Variants in FBXO34 observed in about 807,000 individuals in gnomAD.
The protein encoded by FBXO34 is F-box only protein 34.
Under a neutral mutation model 24.5 loss-of-function variants are expected in FBXO34, and 12 were observed. The observed-to-expected ratio is 0.49, with a 90% CI of 0.31 to 0.79. FBXO34 has a LOEUF of 0.79. Among genes scored for constraint, FBXO34 ranks in the 30% least tolerant of loss-of-function variants. The pLI is 0.04. For synonymous variants in FBXO34, 320 were observed against 311.9 expected (o/e 1.03, Z -0.27); for missense variants, 823 against 857.7 (o/e 0.96, Z 0.51).
chr14:55,396,481 T>C, the FBXO34 span, among the ~76,000 whole-genome samples: 1 of 152,230 alleles, frequency 6.6e-6, no homozygotes, highest in Non-Finnish European at 1.5e-5. Context: ...AGATTTAAAT[T>C]GCTCATGAAT....
intron 1 of FBXO34, among the ~76,000 whole-genome samples, chr14:55,308,818 G>A (rs574927622): frequency 1.3e-4 from 20 of 152,286 alleles, no homozygotes; most frequent in Non-Finnish European, 2.9e-4. Context: ...AAAAGCTTCA[G>A]AGGTCTGTGA....
intron 1 of FBXO34, chr14:55,318,401 T>G (rs1883011001): frequency 1.1e-5 from 1 of 88,930 alleles, no homozygotes. Flanking sequence ...TATATATATA[T>G]ATATATATAT....
the FBXO34 span, among the ~76,000 whole-genome samples, chr14:55,420,063 GT>G: frequency 6.6e-6 from 1 of 151,878 alleles, no homozygotes; most frequent in Non-Finnish European, 1.5e-5. Context: ...GGCCCTTAAG[GT>G]TTTTTTTGTT....
chr14:55,356,624 T>TA (rs1200118013), downstream of FBXO34, among the ~76,000 whole-genome samples: 1 of 149,986 alleles, frequency 6.7e-6, no homozygotes, highest in Non-Finnish European at 1.5e-5. Context: ...GCTGATTTTT[T>TA]TATTTTTTTA....
intron 1 of FBXO34, among the ~76,000 whole-genome samples, chr14:55,332,047 AAT>A (rs1298620186): frequency 7.4e-6 from 1 of 134,874 alleles, no homozygotes; most frequent in Non-Finnish European, 1.6e-5. Context: ...TATATATAAA[AAT>A]ATATATATAT....
At chr14:55,442,678 C>T in the FBXO34 span, among the ~76,000 whole-genome samples, 8 of 151,928 alleles carry the variant, frequency 5.3e-5, no homozygotes, top group African/African-American at 1.2e-4. Flanking sequence ...TAATTGCTTA[C>T]GATGGTATTT....
intron 1 of FBXO34, among the ~76,000 whole-genome samples, chr14:55,327,727 C>T (rs1018979960): frequency 2.6e-5 from 4 of 151,790 alleles, no homozygotes; most frequent in Non-Finnish European, 5.9e-5. Flanking sequence ...AGACAGTAGC[C>T]CCTCTTATCC....
At chr14:55,430,209 G>C in the FBXO34 span, among the ~76,000 whole-genome samples, 1 of 151,984 alleles carries the variant, frequency 6.6e-6, no homozygotes, top group Non-Finnish European at 1.5e-5. Context: ...CCCCCTCATG[G>C]GTTTGGCCCT....
At chr14:55,392,613 C>T in the FBXO34 span, among the ~76,000 whole-genome samples, 1 of 144,408 alleles carries the variant, frequency 6.9e-6, no homozygotes, top group Non-Finnish European at 1.5e-5. Flanking sequence ...TGTGCCACGG[C>T]ACTCCAGCCT....
chr14:55,425,496 A>G, the FBXO34 span, among the ~76,000 whole-genome samples: 3 of 152,264 alleles, frequency 2.0e-5, no homozygotes, highest in Non-Finnish European at 4.4e-5. Context: ...TAAGATTACC[A>G]GTATAATGTG....
chr14:55,428,566 G>A, the FBXO34 span, among the ~76,000 whole-genome samples: 3 of 152,122 alleles, frequency 2.0e-5, no homozygotes, highest in Non-Finnish European at 2.9e-5. Context: ...CCAGAGATGT[G>A]TGCTTTAATA....
intron 1 of FBXO34, among the ~76,000 whole-genome samples, chr14:55,348,492 C>T (rs1476557490): frequency 1.3e-5 from 2 of 152,152 alleles, no homozygotes; most frequent in African/African-American, 2.4e-5. Context: ...TATTCATCCT[C>T]GTTTGCTCCA....
At chr14:55,305,432 T>C (rs1594740585) in intron 1 of FBXO34, among the ~76,000 whole-genome samples, 16 of 141,522 alleles carry the variant, frequency 1.1e-4, no homozygotes, top group Admixed American at 1.1e-3. Context: ...AAAAAAAAAG[T>C]CTTAGTCCGG....
chr14:55,331,856 C>A lies in FBXO34; in HGVS notation c.-10-18525C>A. On this transcript the variant is annotated intron_variant, in intron 1 of 1. Transcript: ENST00000313833. The stretch of plus-strand genomic sequence containing the variant: ...ATATAAAAATATATATATACACCAC[C>A]GGGGTGTATATATAAAAATATATAT... Among the ~76,000 whole-genome samples, 2 of 35,974 alleles carry A rather than the reference C, an allele frequency of 5.6e-5. 1 individual carries two copies. Among genetic ancestry groups the A allele is most frequent in the Non-Finnish European group, 9.5e-5 (2 of 21,142 alleles). 23.6% of individuals were successfully genotyped at this position (35,974 alleles called of 152,430 possible).
At chr14:55,354,823 A>T (rs555002572), downstream of FBXO34, among the ~76,000 whole-genome samples, 16 of 152,226 alleles carry the variant, frequency 1.1e-4, no homozygotes, top group South Asian at 1.5e-3. Flanking sequence ...AAGCTGGTGA[A>T]AACAGCAGGC....
chr14:55,361,084 CCA>C lies in FBXO34; in HGVS notation c.*589-648_*589-647del, dbSNP rs564536473. ...TGGCATCCAGAATGGCGAATCCATC[CCA>C]GTTTTCAGTTGACTTTGCCCAGATC... is the stretch of plus-strand genomic sequence containing the variant. On this transcript the variant is annotated intron_variant and NMD_transcript_variant, in intron 3 of 3. Transcript: ENST00000555280. Among the ~76,000 whole-genome samples, 186 of 152,250 alleles carry C rather than the reference CCA, an allele frequency of 1.2e-3. 1 individual carries two copies. Among genetic ancestry groups the C allele is most frequent in the African/African-American group, 4.3e-3 (179 of 41,536 alleles).
At chr14:55,425,560 A>C in the FBXO34 span, among the ~76,000 whole-genome samples, 1 of 152,326 alleles carries the variant, frequency 6.6e-6, no homozygotes, top group East Asian at 1.9e-4. Context: ...ATTCCAAAAG[A>C]AGGCTGAGGC....
the FBXO34 span, among the ~76,000 whole-genome samples, chr14:55,438,018 T>A: frequency 2.0e-5 from 3 of 152,348 alleles, no homozygotes; most frequent in South Asian, 6.2e-4. Context: ...GCAACTAATG[T>A]AAAATTCATG....
chr14:55,296,395 T>TG (rs1280397291), intron 1 of FBXO34, among the ~76,000 whole-genome samples: 37 of 112,608 alleles, frequency 3.3e-4, no homozygotes, highest in Middle Eastern at 4.1e-3. Context: ...TTTTTTGTTT[T>TG]TTTTTTTTTT....
Sources: allele counts gnomAD v4.1 joint callset (sites outside exome capture counted in the v4.1 genomes callset), GRCh38; gene constraint gnomAD v4.1.1; transcripts MANE v1.5; gene names NCBI Gene and HGNC (gene_info 2026-07-23, HGNC 2026-07-21).